The following DCHS2 variants were observed in gnomAD, a reference collection of about 807,000 sequenced individuals.
DCHS2 encodes the protein protocadherin-23.
Under a neutral mutation model 182.4 loss-of-function variants are expected in DCHS2, and 142 were observed. That is an observed-to-expected ratio of 0.78 (90% CI 0.68 to 0.89). The LOEUF (loss-of-function observed/expected upper bound fraction) is 0.89, where lower values mean the gene tolerates loss of function less well. Among genes scored for constraint, DCHS2 ranks in the 40% least tolerant of loss-of-function variants. The probability of loss-of-function intolerance (pLI) is 0.00; values close to 1 mark genes in which losing one functional copy is unlikely to be tolerated. For synonymous variants in DCHS2, 1,740 were observed against 1,663.3 expected (o/e 1.05, Z -1.12); for missense variants, 4,319 against 4,198.6 (o/e 1.03, Z -0.79).
At chr4:154,455,042 A>C (rs1734706391) in intron 1 of DCHS2, among the ~76,000 whole-genome samples, 1 of 152,242 alleles carries the variant, frequency 6.6e-6, no homozygotes, top group Non-Finnish European at 1.5e-5. Context: ...CAAAAATGTT[A>C]AATAAGAAAA....
chr4:154,282,511 A>T (rs1290886392), intron 13 of DCHS2, among the ~76,000 whole-genome samples: 3 of 152,220 alleles, frequency 2.0e-5, no homozygotes, highest in South Asian at 2.1e-4. Flanking sequence ...ATTAAAAAAA[A>T]AACAGAAAAT....
At chr4:154,478,792 G>C (rs950105964) in intron 1 of DCHS2, among the ~76,000 whole-genome samples, 6 of 152,146 alleles carry the variant, frequency 3.9e-5, no homozygotes, top group African/African-American at 1.4e-4. Flanking sequence ...TTTCACAGGT[G>C]CCTGAGAGTC....
intron 1 of DCHS2, among the ~76,000 whole-genome samples, chr4:154,406,962 C>A (rs1374002374): frequency 6.6e-6 from 1 of 152,206 alleles, no homozygotes; most frequent in Non-Finnish European, 1.5e-5. Flanking sequence ...ATCTATCAAT[C>A]ATTTTCCTCA....
chr4:154,320,324 T>G, intron 9 of DCHS2, 55 bp downstream of exon 9: 1 of 1,548,838 alleles, frequency 6.5e-7, no homozygotes, highest in Non-Finnish European at 8.7e-7. Flanking sequence ...GGTCTCATGT[T>G]TTCTTACCAC....
chr4:154,430,013 A>G (rs1291661253), intron 1 of DCHS2, among the ~76,000 whole-genome samples: 1 of 152,218 alleles, frequency 6.6e-6, no homozygotes, highest in Non-Finnish European at 1.5e-5. Context: ...ACACCTAGTA[A>G]CCATGAATGT....
rs1357525830 is a variant in DCHS2, at chr4:154,263,699, A to G, written c.6578-3943T>C. Reference sequence around the variant, plus strand: ...GTGGCCATTATTGAAAAAAAAAAAAAAAAGAAAACTGAAACTGAAGCAGAA... The same window carrying G: ...GTGGCCATTATTGAAAAAAAAAAAAGAAAGAAAACTGAAACTGAAGCAGAA... On this transcript the variant is annotated intron_variant, in intron 14 of 19. Transcript: ENST00000357232. 7.2e-5 allele frequency among the ~76,000 whole-genome samples: 11 copies of G among 152,032 alleles called. No individual in the cohort carries two copies. In the South Asian group the frequency reaches 1.9e-3, roughly 26 times the overall value.
intron 1 of DCHS2, among the ~76,000 whole-genome samples, chr4:154,454,135 G>GCA (rs35387812): frequency 3.7e-4 from 56 of 150,464 alleles, no homozygotes; most frequent in Middle Eastern, 3.4e-3. Context: ...ACATGCGCGC[G>GCA]CACACACACA....
At chr4:154,449,382 T>C (rs1734439650) in intron 1 of DCHS2, among the ~76,000 whole-genome samples, 1 of 143,128 alleles carries the variant, frequency 7.0e-6, no homozygotes, top group African/African-American at 2.6e-5. Context: ...TTAATTAATC[T>C]TTTTTTTTTT....
chr4:154,240,674 A>T lies in DCHS2; in HGVS notation c.7222T>A (p.Leu2408Met). The change falls in exon 18 of 20, where the codon TTG (leucine) becomes ATG (methionine). Residue 2408 changes from leucine (L) to methionine (M), a missense_variant. Physicochemically the swap from Leu to Met is conservative, Grantham distance 15 (BLOSUM62 2). Coordinates refer to ENST00000357232, the MANE Select transcript of DCHS2 (RefSeq NM_001358235.2). ...NTGVVVLVKT[L>M]DFEEMTEYEL... ...TATTCAGTCATTTCTTCAAAATCCA[A>T]TGTTTTCACCAACACCACCACTCCA... is the stretch of plus-strand genomic sequence containing the variant. The T allele has an allele frequency of 8.7e-6, 14 of 1,613,946 alleles. No homozygotes were observed. Among genetic ancestry groups the T allele is most frequent in the Non-Finnish European group, 1.2e-5 (14 of 1,179,918 alleles).
At chr4:154,273,962 G>A (rs1733713681) in intron 13 of DCHS2, among the ~76,000 whole-genome samples, 1 of 152,170 alleles carries the variant, frequency 6.6e-6, no homozygotes, top group Non-Finnish European at 1.5e-5. Flanking sequence ...CAAGTCACAA[G>A]AGGAAAGTAA....
Position 154,259,636 on chromosome 4 carries a change from T to C in DCHS2, c.6698A>G (p.Gln2233Arg), listed in dbSNP as rs779613217. The change falls in exon 15 of 20, where the codon CAG becomes CGG. Residue 2233 changes from glutamine (Q) to arginine (R), a missense_variant. Transcript: ENST00000357232. ...GCATGGTGAATTATCATTCTCATCC[T>C]GTATCAAGACTGCTACTTTGCAATA... ...RAYCKVAVLI[Q>R]DENDNSPCFE... The C allele has an allele frequency of 6.2e-7, 1 of 1,614,104 alleles. No homozygotes were observed. Among genetic ancestry groups the C allele is most frequent in the Non-Finnish European group, 8.5e-7 (1 of 1,180,028 alleles).
At position 154,490,338 on chromosome 4, in the gene DCHS2, C is replaced by T; in HGVS notation, c.1018G>A (p.Val340Met). Reference protein sequence around the residue: ...FVRYSVRARQVPGAGSGGGAL... With the variant: ...FVRYSVRARQMPGAGSGGGAL... Reference sequence around the variant, plus strand: ...CCGCCGCCGCTACCCGCCCCAGGCACTTGCCGGGCGCGGACGCTGTAGCGC... The same window carrying T: ...CCGCCGCCGCTACCCGCCCCAGGCATTTGCCGGGCGCGGACGCTGTAGCGC... The change falls in exon 1 of 20, where the codon GTG (valine) becomes ATG (methionine). Residue 340 changes from valine (V) to methionine (M), a missense_variant. By Grantham distance (21) the Val-to-Met change is conservative. Transcript: ENST00000357232. 1 of 1,542,078 alleles carries T rather than the reference C, an allele frequency of 6.5e-7. No individual in the cohort carries two copies. Among genetic ancestry groups the T allele is most frequent in the Non-Finnish European group, 8.7e-7 (1 of 1,145,840 alleles).
intron 3 of DCHS2, among the ~76,000 whole-genome samples, chr4:154,350,109 G>A (rs184242149): frequency 6.6e-5 from 10 of 152,304 alleles, no homozygotes; most frequent in East Asian, 5.8e-4. Flanking sequence ...AAGGAAACGC[G>A]TAGGCTCTAC....
chr4:154,262,264 A>G (rs1344770113), intron 14 of DCHS2: 1 of 152,152 alleles, frequency 6.6e-6, no homozygotes, highest in Non-Finnish European at 1.5e-5. Flanking sequence ...TTTTGGGGTA[A>G]TAACTGGCAT....
chr4:154,426,746 CAACA>C, intron 1 of DCHS2, among the ~76,000 whole-genome samples: 1 of 124,946 alleles, frequency 8.0e-6, no homozygotes, highest in Non-Finnish European at 1.8e-5. Context: ...CCAGCCTGGG[CAACA>C]TAGTGAGACT....
intron 2 of DCHS2, among the ~76,000 whole-genome samples, chr4:154,371,944 G>C (rs1730667621): frequency 6.6e-6 from 1 of 152,126 alleles, no homozygotes; most frequent in East Asian, 1.9e-4. Context: ...ATTACAATTC[G>C]ACATGAGATT....
intron 13 of DCHS2, among the ~76,000 whole-genome samples, chr4:154,279,832 C>T (rs1451887810): frequency 6.6e-6 from 1 of 151,494 alleles, no homozygotes; most frequent in African/African-American, 2.4e-5. Context: ...AGAGAAAGAA[C>T]AAACTTAACC....
intron 1 of DCHS2, among the ~76,000 whole-genome samples, chr4:154,400,786 T>C (rs1732139015): frequency 6.6e-6 from 1 of 152,138 alleles, no homozygotes; most frequent in Non-Finnish European, 1.5e-5. Context: ...ACACATTCGC[T>C]CTTTTTTTAC....
chr4:154,393,833 G>A (rs1358763842), intron 1 of DCHS2, among the ~76,000 whole-genome samples: 1 of 152,078 alleles, frequency 6.6e-6, no homozygotes, highest in African/African-American at 2.4e-5. Context: ...GTCTCTACAA[G>A]GATGAGGACT....
Sources: gnomAD v4.1 joint callset for allele counts (sites outside exome capture counted in the v4.1 genomes callset) on GRCh38, gnomAD v4.1.1 for gene constraint, MANE v1.5 for transcripts, NCBI Gene and HGNC (gene_info 2026-07-23, HGNC 2026-07-21) for gene names.